DPY19L4: variants seen among roughly 807,000 people sequenced by gnomAD.
DPY19L4 encodes probable C-mannosyltransferase DPY19L4.
A neutral mutation model predicts 102.8 loss-of-function variants in DPY19L4; 97 were observed. The ratio of observed to expected loss-of-function variants is 0.94; its 90% CI spans 0.80 to 1.12. DPY19L4 has a LOEUF of 1.12. DPY19L4 is among the 50% of genes most tolerant of loss of function. DPY19L4 has a pLI of 0.00. For synonymous variants in DPY19L4, 252 were observed against 283.1 expected (o/e 0.89, Z 1.10); for missense variants, 815 against 850.4 (o/e 0.96, Z 0.52).
chr8:94,764,471 G>A (rs2130883656), intron 8 of DPY19L4, among the ~76,000 whole-genome samples: 2 of 150,660 alleles, frequency 1.3e-5, no homozygotes, highest in South Asian at 4.2e-4. Context: ...AGCTACTCGG[G>A]AGGCTGAGGC....
chr8:94,758,837 C>T (rs1222206699), intron 7 of DPY19L4, among the ~76,000 whole-genome samples: 1 of 151,854 alleles, frequency 6.6e-6, no homozygotes, highest in Non-Finnish European at 1.5e-5. Context: ...CAAGTTCAAG[C>T]GATTACCATG....
rs77527390 is a variant in DPY19L4, at chr8:94,745,679, G to A, written c.611+5889G>A. ...GGGAGCAGTTTCTCCCAGGAATTCCGTTTTATTCCAAGGAAGTAATTCAAA... is the reference window on the plus strand; with the variant it reads ...GGGAGCAGTTTCTCCCAGGAATTCCATTTTATTCCAAGGAAGTAATTCAAA... On this transcript the variant is annotated intron_variant, in intron 6 of 18. Transcript: ENST00000414645. Among the ~76,000 whole-genome samples, 870 of 152,200 alleles carry A rather than the reference G, an allele frequency of 5.7e-3. 8 individuals are homozygous for A. The highest frequency in any genetic ancestry group is 0.02 in the African/African-American group (814 of 41,530).
At chr8:94,780,301 C>A in intron 14 of DPY19L4, 58 bp from the exon 15 acceptor site, 3 of 1,292,878 alleles carry the variant, frequency 2.3e-6, no homozygotes, top group East Asian at 2.5e-5. Context: ...TGTCTATTAC[C>A]TCTAACGTGT....
Position 94,739,802 on chromosome 8 carries a change from G to T in DPY19L4, c.611+12G>T, listed in dbSNP as rs1407466129. The T allele has an allele frequency of 4.8e-5, 78 of 1,610,012 alleles. No individual in the cohort carries two copies. The highest frequency in any genetic ancestry group is 2.2e-4 in the Middle Eastern group (1 of 4,486). Reference sequence around the variant, plus strand: ...TTCGTTATTAACAGGTAAGAAAGCTGTTTTAATTGATTTTTAAAAACTTTT... The same window carrying T: ...TTCGTTATTAACAGGTAAGAAAGCTTTTTTAATTGATTTTTAAAAACTTTT... On this transcript the variant is annotated intron_variant, in intron 6 of 18. Coordinates refer to ENST00000414645, the MANE Select transcript of DPY19L4 (RefSeq NM_181787.3).
intron 6 of DPY19L4, among the ~76,000 whole-genome samples, chr8:94,752,183 C>T (rs1175611868): frequency 6.6e-6 from 1 of 152,036 alleles, no homozygotes; most frequent in East Asian, 1.9e-4. Context: ...AGTTCCATGT[C>T]GTCTATATTC....
At chr8:94,740,447 G>T (rs11988883) in intron 6 of DPY19L4, among the ~76,000 whole-genome samples, 12,204 of 151,794 alleles carry the variant, frequency 0.08, 1,512 homozygotes, top group African/African-American at 0.27. Context: ...TTTTGTTTTG[G>T]TTTTGTTTTT....
chr8:94,740,489 C>G (rs1188781584), intron 6 of DPY19L4, among the ~76,000 whole-genome samples: 2 of 152,096 alleles, frequency 1.3e-5, no homozygotes, highest in Non-Finnish European at 2.9e-5. Flanking sequence ...GAGTCTTGCC[C>G]TGTCACCTAG....
At chr8:94,776,679 G>A (rs563515571) in intron 13 of DPY19L4, among the ~76,000 whole-genome samples, 2 of 151,608 alleles carry the variant, frequency 1.3e-5, no homozygotes, top group Non-Finnish European at 2.9e-5. Flanking sequence ...AAACTCTTGT[G>A]TGTGGCCAGG....
At position 94,777,778 on chromosome 8, in the gene DPY19L4, A is replaced by G. The variant is rs760558847; in HGVS notation, c.1567A>G (p.Ile523Val). The stretch of plus-strand genomic sequence containing the variant: ...GCTTCGATTAAGAACTGTACACCCA[A>G]TATTGTTGGTGAGTCATTATTTTGC... ...KWLRLRTVHP[I>V]LLALILSMAV... Residue 523 changes from isoleucine to valine, a missense_variant, in exon 14 of 19, where the codon ATA (isoleucine) becomes GTA (valine). Ile to Val is a conservative substitution (Grantham distance 29). Coordinates refer to ENST00000414645, the MANE Select transcript of DPY19L4 (RefSeq NM_181787.3). The G allele has an allele frequency of 4.3e-6, 7 of 1,609,440 alleles. No homozygotes were observed. In the East Asian group the frequency reaches 1.1e-4, roughly 26 times the overall value.
Position 94,777,730 on chromosome 8 carries a change from C to A in DPY19L4, c.1519C>A (p.Leu507Ile), listed in dbSNP as rs771078205. 7.4e-6 allele frequency: 12 copies of A among 1,614,058 alleles called. No individual in the cohort carries two copies. Among genetic ancestry groups the A allele is most frequent in the Non-Finnish European group, 9.3e-6 (11 of 1,180,006 alleles). ...AGCATTTGGTGTATGTTCTCCCGAA[C>A]TTTGGATGACACTTTTCAAGTGGCT... is the stretch of plus-strand genomic sequence containing the variant. The part of the protein sequence containing the change: ...LAAFGVCSPE[L>I]WMTLFKWLRL... Residue 507 changes from leucine to isoleucine, a missense_variant, in exon 14 of 19, where the codon CTT becomes ATT. By Grantham distance (5) the Leu-to-Ile change is conservative (BLOSUM62 2). Transcript: ENST00000414645.
chr8:94,750,785 C>CTTTTTTTTTTTT lies in DPY19L4; in HGVS notation c.612-5247_612-5236dup, dbSNP rs768001663. Among the ~76,000 whole-genome samples, 3 of 140,960 alleles carry CTTTTTTTTTTTT rather than the reference C, an allele frequency of 2.1e-5. No individual in the cohort carries two copies. In the East Asian group the frequency reaches 6.1e-4, roughly 29 times the overall value. The allele number at this position is 140,960 out of a possible 152,430, so 92.5% of individuals were successfully genotyped here. On this transcript the variant is annotated intron_variant, in intron 6 of 18. Coordinates refer to ENST00000414645, the MANE Select transcript of DPY19L4 (RefSeq NM_181787.3). ...CATATCCATCACTACCCAAAATTTC[C>CTTTTTTTTTTTT]TTTTTTTTTTTTTTTGAGACAGGAT...
At chr8:94,753,755 C>G (rs912037542) in intron 6 of DPY19L4, among the ~76,000 whole-genome samples, 2 of 151,996 alleles carry the variant, frequency 1.3e-5, no homozygotes, top group African/African-American at 4.8e-5. Context: ...ACCTGTAGTC[C>G]CAGGTACTCA....
rs540864388 is a variant in DPY19L4, at chr8:94,739,288, T to C, written c.344-125T>C. On this transcript the variant is annotated intron_variant, in intron 4 of 18. Transcript: ENST00000414645. ...TGCTAAATTTTTAAAAAATGGAAAA[T>C]GCAGCATGGAGTATTCTATTTGGGA... is the stretch of plus-strand genomic sequence containing the variant. The C allele has an allele frequency of 5.9e-6, 7 of 1,188,094 alleles. No homozygotes were observed. The African/African-American group carries it at 1.1e-4, about 18-fold the overall frequency. 73.6% of individuals were successfully genotyped at this position (1,188,094 alleles called of 1,614,324 possible).
intron 2 of DPY19L4, among the ~76,000 whole-genome samples, chr8:94,730,353 C>T (rs553733017): frequency 1.3e-5 from 2 of 152,230 alleles, no homozygotes; most frequent in East Asian, 3.9e-4. Context: ...GAGTTTGAGA[C>T]CAGGAACCAG....
At chr8:94,767,417 C>T (rs1301582696) in intron 11 of DPY19L4, among the ~76,000 whole-genome samples, 2 of 151,972 alleles carry the variant, frequency 1.3e-5, no homozygotes, top group Non-Finnish European at 2.9e-5. Context: ...CCTCAGCCCC[C>T]CGAGTAGCTG....
chr8:94,775,421 C>T (rs1563611357), intron 13 of DPY19L4, among the ~76,000 whole-genome samples: 1 of 152,202 alleles, frequency 6.6e-6, no homozygotes, highest in Non-Finnish European at 1.5e-5. Flanking sequence ...TTCCACCCGC[C>T]TCAGCCTCCC....
intron 7 of DPY19L4, among the ~76,000 whole-genome samples, chr8:94,757,729 T>C (rs1475657901): frequency 1.3e-5 from 2 of 152,190 alleles, no homozygotes; most frequent in Non-Finnish European, 2.9e-5. Context: ...TTTTCTTTAA[T>C]AGTCAGGTAG....
At chr8:94,737,468 G>A (rs760006356) in intron 3 of DPY19L4, among the ~76,000 whole-genome samples, 2 of 151,696 alleles carry the variant, frequency 1.3e-5, no homozygotes, top group African/African-American at 4.8e-5. Context: ...GAGCCAACAC[G>A]CTGGGCCAGA....
intron 7 of DPY19L4, among the ~76,000 whole-genome samples, chr8:94,756,649 T>C (rs901584037): frequency 2.0e-5 from 3 of 152,312 alleles, no homozygotes. Flanking sequence ...CCTGGTAGTT[T>C]AGATTCTTAC....
Sources: gnomAD v4.1 joint callset for allele counts (sites outside exome capture counted in the v4.1 genomes callset) on GRCh38, gnomAD v4.1.1 for gene constraint, MANE v1.5 for transcripts, NCBI Gene and HGNC (gene_info 2026-07-23, HGNC 2026-07-21) for gene names.